Variants in LEMD3 observed in about 807,000 individuals in gnomAD.
The protein encoded by LEMD3 is inner nuclear membrane protein Man1.
In LEMD3, 33 loss-of-function variants were observed where a neutral mutation model predicts 95.2. The ratio of observed to expected loss-of-function variants is 0.35; its 90% CI spans 0.26 to 0.46. LEMD3 has a LOEUF of 0.46. Ranked by LOEUF, LEMD3 falls within the 20% of genes least tolerant of loss-of-function variation. LEMD3 has a pLI of 1.00. For missense variants in LEMD3, 1,210 were observed against 1,192.8 expected (o/e 1.01, Z -0.21); for synonymous variants, 525 against 474.6 (o/e 1.11, Z -1.38).
chr12:65,172,941 T>C (rs1387861037), intron 1 of LEMD3, among the ~76,000 whole-genome samples: 1 of 152,042 alleles, frequency 6.6e-6, no homozygotes, highest in African/African-American at 2.4e-5. Context: ...TGTTAGCAGA[T>C]CTGGCCATTT....
intron 1 of LEMD3, among the ~76,000 whole-genome samples, chr12:65,199,321 T>C (rs1224267678): frequency 6.6e-6 from 1 of 152,132 alleles, no homozygotes; most frequent in African/African-American, 2.4e-5. Flanking sequence ...GATTTGCTAA[T>C]GATCTAACTT....
At chr12:65,223,829 G>A (rs1301397237) in intron 4 of LEMD3, among the ~76,000 whole-genome samples, 4 of 114,606 alleles carry the variant, frequency 3.5e-5, no homozygotes, top group Admixed American at 1.8e-4. Flanking sequence ...ACTCTTTTTT[G>A]TGTCTTTTTT....
chr12:65,241,178 G>T, intron 9 of LEMD3, 91 bp downstream of exon 9: 1 of 1,098,058 alleles, frequency 9.1e-7, no homozygotes. Context: ...ATTCAAAGAT[G>T]TATGAAGGCA....
chr12:65,177,959 C>T (rs1868777674), intron 1 of LEMD3, among the ~76,000 whole-genome samples: 1 of 151,776 alleles, frequency 6.6e-6, no homozygotes, highest in Non-Finnish European at 1.5e-5. Flanking sequence ...ATCCTCACAG[C>T]TCAGCCTCCT....
At chr12:65,225,931 C>T (rs1302661514) in intron 4 of LEMD3, among the ~76,000 whole-genome samples, 1 of 152,160 alleles carries the variant, frequency 6.6e-6, no homozygotes, top group Non-Finnish European at 1.5e-5. Context: ...ATACTGAGTC[C>T]TATCCGCATT....
chr12:65,202,587 A>G (rs1395774304), intron 1 of LEMD3, among the ~76,000 whole-genome samples: 1 of 152,148 alleles, frequency 6.6e-6, no homozygotes, highest in Non-Finnish European at 1.5e-5. Flanking sequence ...GTATTAGGGT[A>G]ATGCTGAACT....
chr12:65,223,420 C>G (rs1173708139), intron 4 of LEMD3, among the ~76,000 whole-genome samples: 1 of 151,374 alleles, frequency 6.6e-6, no homozygotes, highest in Non-Finnish European at 1.5e-5. Context: ...CCTCCTGCCT[C>G]AGCCTCCCAA....
intron 1 of LEMD3, among the ~76,000 whole-genome samples, chr12:65,195,169 G>A (rs1869390578): frequency 6.6e-6 from 1 of 152,062 alleles, no homozygotes. Flanking sequence ...AGAACCTGTG[G>A]TTATGGTGGG....
chr12:65,171,301 G>T (rs2136313905), intron 1 of LEMD3, 183 bp downstream of exon 1: 2 of 1,092,826 alleles, frequency 1.8e-6, no homozygotes, highest in African/African-American at 3.2e-5. Context: ...GATGTCATAT[G>T]GCTGGTTTTA....
intron 5 of LEMD3, 22 bp downstream of exon 5, chr12:65,238,603 T>C: frequency 1.2e-6 from 2 of 1,611,094 alleles, no homozygotes; most frequent in Non-Finnish European, 1.7e-6. Context: ...GATTTCCACT[T>C]TGACCATTCT....
At chr12:65,208,734 G>C (rs61923520) in intron 1 of LEMD3, among the ~76,000 whole-genome samples, 1 of 152,050 alleles carries the variant, frequency 6.6e-6, no homozygotes. Flanking sequence ...TACTTCTGCT[G>C]TTGTTAATAG....
At position 65,197,602 on chromosome 12, in the gene LEMD3, G is replaced by A. The variant is rs148689346; in HGVS notation, c.1523-13324G>A. Among the ~76,000 whole-genome samples the A allele has an allele frequency of 4.5e-3, 682 of 152,152 alleles. 3 individuals are homozygous for A. The highest frequency in any genetic ancestry group is 0.014 in the African/African-American group (562 of 41,528). ...CTTGATGACATACTTAAGTGTCTCT[G>A]TTTCCTGAATGACTTTTCATCTGTG... is the stretch of plus-strand genomic sequence containing the variant. On this transcript the variant is annotated intron_variant, in intron 1 of 12. Coordinates refer to ENST00000308330, the MANE Select transcript of LEMD3 (RefSeq NM_014319.5).
At chr12:65,224,182 A>G (rs1293640966) in intron 4 of LEMD3, among the ~76,000 whole-genome samples, 1 of 152,086 alleles carries the variant, frequency 6.6e-6, no homozygotes, top group East Asian at 1.9e-4. Flanking sequence ...TTGTCTATAT[A>G]TTTACCTTTA....
intron 1 of LEMD3, among the ~76,000 whole-genome samples, chr12:65,209,990 C>T (rs1195919479): frequency 2.6e-5 from 4 of 151,898 alleles, no homozygotes; most frequent in African/African-American, 7.2e-5. Context: ...TAAAAGTTTA[C>T]AGGTATCTGA....
At position 65,246,206 on chromosome 12, in the gene LEMD3, C is replaced by T. The variant is rs752848029; in HGVS notation, c.2617C>T (p.His873Tyr). Residue 873 changes from histidine to tyrosine, a missense_variant, in exon 13 of 13, where the codon CAT becomes TAT. His to Tyr is a moderately conservative substitution (Grantham distance 83, BLOSUM62 2). Around this residue, in one of 2 missense-constraint regions of LEMD3, gnomAD observed 461 missense variants for 569.8 expected, o/e 0.81. Coordinates refer to ENST00000308330, the MANE Select transcript of LEMD3 (RefSeq NM_014319.5). Reference sequence around the variant, plus strand: ...ATATTTACGACTAGATAGATACCACCATCGCTTTCCCCAGGCTCTCACTTC... The same window carrying T: ...ATATTTACGACTAGATAGATACCACTATCGCTTTCCCCAGGCTCTCACTTC... ...VKYLRLDRYH[H>Y]RFPQALTSNT... The T allele has an allele frequency of 3.1e-6, 5 of 1,612,194 alleles. No individual in the cohort carries two copies. The highest frequency in any genetic ancestry group is 4.2e-6 in the Non-Finnish European group (5 of 1,178,644).
intron 10 of LEMD3, among the ~76,000 whole-genome samples, chr12:65,243,686 T>C (rs141547990): frequency 6.7e-4 from 102 of 152,368 alleles, no homozygotes; most frequent in African/African-American, 2.0e-3. Context: ...TATAAATCTT[T>C]GTATTCCTTA....
chr12:65,184,958 T>A (rs909393100), intron 1 of LEMD3, among the ~76,000 whole-genome samples: 4 of 152,118 alleles, frequency 2.6e-5, no homozygotes. Flanking sequence ...CAACTCCCCC[T>A]ATTCCCTCAA....
In LEMD3 at chr12:65,248,336, G is replaced by T. The variant is rs1871175728; in HGVS notation, c.*2011G>T. ...AAAATTTATTAGTTTTTTTTTATGT[G>T]TCTTGGCTTTTTAAAAACATTTTAA... On this transcript the variant is annotated 3_prime_UTR_variant, in exon 13 of 13. Transcript: ENST00000308330. The T allele has an allele frequency of 6.6e-6, 1 of 151,760 alleles. No homozygotes were observed. The highest frequency in any genetic ancestry group is 6.6e-5 in the Admixed American group (1 of 15,226). 9.4% of individuals were successfully genotyped at this position (151,760 alleles called of 1,614,324 possible).
chr12:65,220,691 T>C (rs1222768460), intron 4 of LEMD3, among the ~76,000 whole-genome samples: 1 of 152,230 alleles, frequency 6.6e-6, no homozygotes, highest in African/African-American at 2.4e-5. Context: ...CAAGAAGTTA[T>C]ATAGTTTCAG....
Sources: gnomAD v4.1 joint callset for allele counts (sites outside exome capture counted in the v4.1 genomes callset) on GRCh38, gnomAD v4.1.1 for gene constraint, gnomAD v4.1.1 regional missense constraint, MANE v1.5 for transcripts, NCBI Gene and HGNC (gene_info 2026-07-23, HGNC 2026-07-21) for gene names.